The following BRWD1 variants were observed in gnomAD, a reference collection of about 807,000 sequenced individuals.
BRWD1 encodes the protein bromodomain and WD repeat-containing protein 1.
BRWD1 carries 82 observed loss-of-function variants against 251.2 expected under a neutral mutation model. The observed-to-expected ratio is 0.33, with a 90% CI of 0.27 to 0.39. BRWD1 has a LOEUF of 0.39. BRWD1 is among the 10% of genes least tolerant of loss of function. The pLI is 1.00. For missense variants in BRWD1, 2,233 were observed against 2,711.6 expected (o/e 0.82, Z 3.92); for synonymous variants, 918 against 902.8 (o/e 1.02, Z -0.30).
In BRWD1 at chr21:39,188,345, CA is replaced by C. The variant is rs1432909897; in HGVS notation, c.*7913del. The C allele has an allele frequency of 4.1e-6, 4 of 985,340 alleles. No individual in the cohort carries two copies. In the East Asian group the frequency reaches 3.4e-4, roughly 84 times the overall value. The allele number at this position is 985,340 out of a possible 1,614,324, so 61.0% of individuals were successfully genotyped here. A position where few individuals can be genotyped will look rare whatever the true frequency, so the allele number is the denominator to read the frequency against. On this transcript the variant is annotated 3_prime_UTR_variant, in exon 41 of 41. Transcript: ENST00000342449. ...CTGAAGTTTCCAGACATTTAGCATTCAAAAGGTAAGGCTGTAGATCACTGAA... is the reference window on the plus strand; with the variant it reads ...CTGAAGTTTCCAGACATTTAGCATTCAAAGGTAAGGCTGTAGATCACTGAA...
At chr21:39,276,558 A>C (rs180933534) in intron 11 of BRWD1, among the ~76,000 whole-genome samples, 67 of 152,334 alleles carry the variant, frequency 4.4e-4, no homozygotes, top group Non-Finnish European at 7.8e-4. Flanking sequence ...AAAGTAGCTA[A>C]AAATAAGGCA....
intron 11 of BRWD1, among the ~76,000 whole-genome samples, chr21:39,276,630 C>A (rs753350278): frequency 6.6e-6 from 1 of 152,192 alleles, no homozygotes. Context: ...TGGATGTGGA[C>A]TGCCTTCCCA....
chr21:39,298,038 A>G (rs1243992216), intron 5 of BRWD1: 7 of 986,950 alleles, frequency 7.1e-6, no homozygotes, highest in African/African-American at 1.7e-5. Context: ...CCTTTATAAC[A>G]AAGGGCTTTC....
intron 8 of BRWD1, among the ~76,000 whole-genome samples, chr21:39,292,458 GA>G (rs1408438195): frequency 6.6e-6 from 1 of 152,146 alleles, no homozygotes; most frequent in African/African-American, 2.4e-5. Context: ...TCTGATGGAA[GA>G]ACTTACATCC....
In BRWD1 at chr21:39,192,251, TAC is replaced by T; in HGVS notation, c.*4006_*4007del. 1 of 949,184 alleles carries T rather than the reference TAC, an allele frequency of 1.1e-6. No homozygotes were observed. Among genetic ancestry groups the T allele is most frequent in the Non-Finnish European group, 1.2e-6 (1 of 815,892 alleles). 58.8% of individuals were successfully genotyped at this position (949,184 alleles called of 1,614,324 possible). ...GAAAAGACAACACAGCCCTTAGCAT[TAC>T]ATACTTTACTTTTCAATCCTTACTA... On this transcript the variant is annotated 3_prime_UTR_variant, in exon 41 of 41. Coordinates refer to ENST00000342449, the MANE Select transcript of BRWD1 (RefSeq NM_033656.4).
At chr21:39,263,859 C>T (rs371817349) in intron 17 of BRWD1, among the ~76,000 whole-genome samples, 1 of 152,114 alleles carries the variant, frequency 6.6e-6, no homozygotes, top group East Asian at 1.9e-4. Flanking sequence ...ATTAGACAAA[C>T]CACAATCATA....
intron 21 of BRWD1, among the ~76,000 whole-genome samples, chr21:39,241,769 T>C (rs922875911): frequency 6.6e-6 from 1 of 152,198 alleles, no homozygotes; most frequent in South Asian, 2.1e-4. Context: ...AGTAAATTTA[T>C]TGGTGCCATT....
intron 18 of BRWD1, among the ~76,000 whole-genome samples, chr21:39,257,509 C>T (rs952058272): frequency 2.0e-5 from 3 of 151,650 alleles, no homozygotes; most frequent in Admixed American, 6.6e-5. Context: ...AGACATAATC[C>T]TAAAATGTAA....
At position 39,199,173 on chromosome 21, in the gene BRWD1, G is replaced by A. The variant is rs755938682; in HGVS notation, c.5243C>T (p.Thr1748Ile). The change falls in exon 40 of 41, where the codon ACA becomes ATA. Residue 1748 changes from threonine to isoleucine, a missense_variant. Physicochemically the swap from Thr to Ile is moderately conservative, Grantham distance 89. Transcript: ENST00000342449. ...AGAAGACTCTATTTTAAGAAATTTT[G>A]TCTTTGAAGGTGCTGGAGTATGGGA... ...YKSHTPAPSK[T>I]KFLKIESSEE... The A allele has an allele frequency of 9.3e-6, 15 of 1,613,974 alleles. No individual in the cohort carries two copies. Among genetic ancestry groups the A allele is most frequent in the South Asian group, 4.4e-5 (4 of 91,080 alleles).
chr21:39,213,113 G>C (rs1326309110), intron 33 of BRWD1, among the ~76,000 whole-genome samples: 4 of 151,988 alleles, frequency 2.6e-5, no homozygotes, highest in Non-Finnish European at 5.9e-5. Flanking sequence ...ATTTATTGTA[G>C]AGACAGGGTC....
chr21:39,188,441 G>A lies in BRWD1; in HGVS notation c.*7818C>T, dbSNP rs1325197851. The A allele has an allele frequency of 1.0e-6, 1 of 985,154 alleles. No homozygotes were observed. Among genetic ancestry groups the A allele is most frequent in the Non-Finnish European group, 1.2e-6 (1 of 829,840 alleles). The allele number at this position is 985,154 out of a possible 1,614,324, so 61.0% of individuals were successfully genotyped here. The stretch of plus-strand genomic sequence containing the variant: ...TCCACCACATTCTTTTTACTACTAA[G>A]TACTAGAAAATGAGAGCTCTTTTAG... On this transcript the variant is annotated 3_prime_UTR_variant, in exon 41 of 41. Transcript: ENST00000342449.
At position 39,199,322 on chromosome 21, in the gene BRWD1, T is replaced by C. The variant is rs181606658; in HGVS notation, c.5094A>G (p.Gln1698=). ...TGTGAGAACTGGACACTGGTAATAG[T>C]TGATTTTCATCTTTTAGCTCCTCTT... ...IEEEELKDEN[Q]LLPVSSSHTA... The change falls in exon 40 of 41, where the codon CAA becomes CAG. Residue 1698 remains glutamine, a synonymous_variant. Coordinates refer to ENST00000342449, the MANE Select transcript of BRWD1 (RefSeq NM_033656.4). 1.2e-6 allele frequency: 2 copies of C among 1,614,204 alleles called. No homozygotes were observed. Among genetic ancestry groups the C allele is most frequent in the Non-Finnish European group, 1.7e-6 (2 of 1,180,036 alleles).
intron 25 of BRWD1, among the ~76,000 whole-genome samples, chr21:39,229,777 A>G (rs963635203): frequency 6.6e-6 from 1 of 152,324 alleles, no homozygotes; most frequent in African/African-American, 2.4e-5. Context: ...CATGTTGCCT[A>G]GGCTGGAGGG....
At chr21:39,239,552 T>C (rs1402402808) in intron 21 of BRWD1, among the ~76,000 whole-genome samples, 1 of 152,228 alleles carries the variant, frequency 6.6e-6, no homozygotes, top group African/African-American at 2.4e-5. Flanking sequence ...CCAGCATCAC[T>C]GTCTTGAAAA....
In BRWD1 at chr21:39,296,161, T is replaced by C; in HGVS notation, c.448+104A>G. 4.4e-6 allele frequency: 4 copies of C among 915,052 alleles called. No individual in the cohort carries two copies. In the East Asian group the frequency reaches 8.1e-5, roughly 19 times the overall value. The allele number at this position is 915,052 out of a possible 1,614,324, so 56.7% of individuals were successfully genotyped here. ...GATACTTATTACTATTAAAACAACA[T>C]TTCAACCAGTATTTCCTTTTAAATT... is the stretch of plus-strand genomic sequence containing the variant. On this transcript the variant is annotated intron_variant, in intron 6 of 40. Transcript: ENST00000342449.
intron 29 of BRWD1, among the ~76,000 whole-genome samples, chr21:39,223,293 A>C (rs2033253799): frequency 6.6e-6 from 1 of 152,304 alleles, no homozygotes; most frequent in South Asian, 2.1e-4. Context: ...AATTATCTTG[A>C]AATCAAGTTT....
Position 39,277,380 on chromosome 21 carries a change from T to C in BRWD1, c.1004-29A>G, listed in dbSNP as rs1370623445. 1.1e-5 allele frequency: 15 copies of C among 1,425,988 alleles called. No individual in the cohort carries two copies. In the South Asian group the frequency reaches 1.2e-4, roughly 11 times the overall value. The allele number at this position is 1,425,988 out of a possible 1,614,324, so 88.3% of individuals were successfully genotyped here. On this transcript the variant is annotated intron_variant, in intron 10 of 40. Coordinates refer to ENST00000342449, the MANE Select transcript of BRWD1 (RefSeq NM_033656.4). ...AAATAAAAATGGTAAGGTTTAAACA[T>C]CCAGTTTATAACAAATACCTGAACA...
chr21:39,304,526 A>T (rs1302049439), intron 4 of BRWD1, among the ~76,000 whole-genome samples: 1 of 152,024 alleles, frequency 6.6e-6, no homozygotes, highest in African/African-American at 2.4e-5. Context: ...AGGCAGGAGG[A>T]TCCCTTGAAC....
At chr21:39,270,261 C>T (rs781659324) in intron 14 of BRWD1, 22 bp downstream of exon 14, 1 of 1,523,692 alleles carries the variant, frequency 6.6e-7, no homozygotes, top group Admixed American at 2.2e-5. Context: ...TCATTTGTTA[C>T]ACTGTACCAG....
Sources: gnomAD v4.1 joint callset for allele counts (sites outside exome capture counted in the v4.1 genomes callset) on GRCh38, gnomAD v4.1.1 for gene constraint, MANE v1.5 for transcripts, NCBI Gene and HGNC (gene_info 2026-07-23, HGNC 2026-07-21) for gene names.